SHB: variants seen among roughly 807,000 people sequenced by gnomAD.
The protein encoded by SHB is SH2 domain-containing adapter protein B.
A neutral mutation model predicts 52.3 loss-of-function variants in SHB; 20 were observed. The ratio of observed to expected loss-of-function variants is 0.38; its 90% CI spans 0.27 to 0.56. The LOEUF (loss-of-function observed/expected upper bound fraction) is 0.56. Among genes scored for constraint, SHB ranks in the 20% least tolerant of loss-of-function variants. The probability of loss-of-function intolerance (pLI) is 0.71; values close to 1 mark genes in which losing one functional copy is unlikely to be tolerated. For synonymous variants in SHB, 397 were observed against 316.5 expected (o/e 1.25, Z -2.70); for missense variants, 825 against 723.3 (o/e 1.14, Z -1.61).
At chr9:37,999,789 C>T (rs963851631) in intron 2 of SHB, among the ~76,000 whole-genome samples, 1 of 152,216 alleles carries the variant, frequency 6.6e-6, no homozygotes, top group Admixed American at 6.5e-5. Context: ...ACCTTAGGAT[C>T]TGGCTGAAGC....
At chr9:37,979,119 T>C (rs1820690859) in intron 2 of SHB, among the ~76,000 whole-genome samples, 2 of 152,168 alleles carry the variant, frequency 1.3e-5, no homozygotes, top group South Asian at 2.1e-4. Context: ...TCCATGAGGG[T>C]CCAGAGACCG....
intron 2 of SHB, among the ~76,000 whole-genome samples, chr9:37,998,903 C>T (rs1456252513): frequency 6.6e-6 from 1 of 152,246 alleles, no homozygotes; most frequent in African/African-American, 2.4e-5. Context: ...ACCAGCTCTT[C>T]CCAAGAGCCA....
intron 2 of SHB, among the ~76,000 whole-genome samples, chr9:37,999,020 G>A (rs1024791575): frequency 1.4e-4 from 21 of 152,308 alleles, no homozygotes; most frequent in East Asian, 3.9e-4. Context: ...AAGTCCCTGC[G>A]GGATCACAGA....
intron 2 of SHB, among the ~76,000 whole-genome samples, chr9:38,011,223 C>T (rs1329095773): frequency 6.6e-6 from 1 of 152,172 alleles, no homozygotes; most frequent in Non-Finnish European, 1.5e-5. Context: ...CTGATCACTG[C>T]CTCAACAGGA....
chr9:38,063,049 G>A (rs560822982), intron 1 of SHB, among the ~76,000 whole-genome samples: 3 of 152,324 alleles, frequency 2.0e-5, no homozygotes, highest in East Asian at 1.9e-4. Flanking sequence ...ATGAAGCCTG[G>A]GGAATGTATT....
Position 37,999,109 on chromosome 9 carries a change from C to T in SHB, c.838+16902G>A, listed in dbSNP as rs150264360. 2.5e-3 allele frequency among the ~76,000 whole-genome samples: 377 copies of T among 152,234 alleles called. 1 individual carries two copies. Among genetic ancestry groups the T allele is most frequent in the Non-Finnish European group, 4.0e-3 (269 of 67,990 alleles). On this transcript the variant is annotated intron_variant, in intron 2 of 5. Transcript: ENST00000377707. ...AGTGGGTGATGGGGTGCTGCTGGAC[C>T]CTGGGAACCCTATAGGGTGTGGGAT...
intron 3 of SHB, among the ~76,000 whole-genome samples, chr9:37,968,575 G>A (rs921888135): frequency 1.3e-5 from 2 of 152,218 alleles, no homozygotes; most frequent in African/African-American, 4.8e-5. Flanking sequence ...GACACTGCCT[G>A]AAGAGTAACT....
Position 37,932,884 on chromosome 9 carries a change from G to A in SHB, c.1347-12880C>T, listed in dbSNP as rs550890098. ...CCTGCCTTGGCCTCCCAAAGCGCTG[G>A]GATTATAGGCATGAGGTACTGCATC... is the stretch of plus-strand genomic sequence containing the variant. On this transcript the variant is annotated intron_variant, in intron 5 of 5. Coordinates refer to ENST00000377707, the MANE Select transcript of SHB (RefSeq NM_003028.3). Among the ~76,000 whole-genome samples the A allele has an allele frequency of 1.5e-3, 233 of 152,222 alleles. 3 individuals carry two copies. The highest frequency in any genetic ancestry group is 5.3e-3 in the African/African-American group (218 of 41,518).
chr9:37,921,565 G>A (rs999249893), intron 5 of SHB, among the ~76,000 whole-genome samples: 2 of 152,230 alleles, frequency 1.3e-5, no homozygotes, highest in African/African-American at 2.4e-5. Flanking sequence ...TACATTTCAA[G>A]AGAGACTAAT....
At chr9:38,020,686 A>G (rs1821270312) in intron 1 of SHB, among the ~76,000 whole-genome samples, 1 of 152,146 alleles carries the variant, frequency 6.6e-6, no homozygotes, top group Non-Finnish European at 1.5e-5. Context: ...GGCTACCAAA[A>G]TCTCACAAAT....
intron 1 of SHB, among the ~76,000 whole-genome samples, chr9:38,020,034 T>A (rs559268422): frequency 2.0e-5 from 3 of 152,260 alleles, no homozygotes; most frequent in African/African-American, 7.2e-5. Flanking sequence ...GAAACCTGTA[T>A]CTCTATTAAG....
At chr9:38,054,330 C>T (rs1019439414) in intron 1 of SHB, among the ~76,000 whole-genome samples, 18 of 152,220 alleles carry the variant, frequency 1.2e-4, no homozygotes, top group Admixed American at 3.9e-4. Context: ...TTCAGCCACG[C>T]AACCTCTGCT....
rs776200664 is a variant in SHB, at chr9:38,068,587, G to T, written c.59C>A (p.Pro20Gln). The change falls in exon 1 of 6, where the codon CCG becomes CAG. Residue 20 changes from proline to glutamine, a missense_variant. Transcript: ENST00000377707. The stretch of plus-strand genomic sequence containing the variant: ...GCGGTAGTCTGGCCGCGGCGGCTGC[G>T]GGGGGCTCTTGGTCTTGCTGTTGCC... ...SLGNSKTKSP[P>Q]QPPRPDYREQ... The T allele has an allele frequency of 2.7e-6, 4 of 1,491,548 alleles. No homozygotes were observed. The highest frequency in any genetic ancestry group is 3.5e-6 in the Non-Finnish European group (4 of 1,132,470). 92.4% of individuals were successfully genotyped at this position (1,491,548 alleles called of 1,614,324 possible). A position where few individuals can be genotyped will look rare whatever the true frequency, so the allele number is the denominator to read the frequency against.
chr9:38,023,542 G>A (rs771863605), intron 1 of SHB, among the ~76,000 whole-genome samples: 17 of 152,186 alleles, frequency 1.1e-4, no homozygotes, highest in Non-Finnish European at 1.6e-4. Context: ...GGACAAAGAC[G>A]TGAAAAGAAA....
chr9:38,068,191 G>C lies in SHB; in HGVS notation c.455C>G (p.Ser152Trp). The change falls in exon 1 of 6, where the codon TCG (serine) becomes TGG (tryptophan). Residue 152 changes from serine to tryptophan, a missense_variant. Coordinates refer to ENST00000377707, the MANE Select transcript of SHB (RefSeq NM_003028.3). Reference sequence around the variant, plus strand: ...ATGCGGAGAGCCGGAGGACGAGGACGAGGACGCGGCGGCCCCCGCGCCCGA... The same window carrying C: ...ATGCGGAGAGCCGGAGGACGAGGACCAGGACGCGGCGGCCCCCGCGCCCGA... ...ASSGAGAAAS[S>W]SSSSGSPHLY... The C allele has an allele frequency of 7.1e-7, 1 of 1,412,110 alleles. No homozygotes were observed. The allele number at this position is 1,412,110 out of a possible 1,614,324, so 87.5% of individuals were successfully genotyped here.
chr9:38,033,864 C>A (rs559800285), intron 1 of SHB, among the ~76,000 whole-genome samples: 1 of 152,148 alleles, frequency 6.6e-6, no homozygotes, highest in African/African-American at 2.4e-5. Context: ...TGACACCCCC[C>A]CAGCACCACC....
At chr9:37,958,161 A>C (rs1832656274) in intron 3 of SHB, among the ~76,000 whole-genome samples, 1 of 152,232 alleles carries the variant, frequency 6.6e-6, no homozygotes, top group African/African-American at 2.4e-5. Flanking sequence ...TCTAGAAAGT[A>C]TAGCTGGCTA....
At chr9:38,036,641 T>C (rs1444917460) in intron 1 of SHB, among the ~76,000 whole-genome samples, 2 of 152,202 alleles carry the variant, frequency 1.3e-5, no homozygotes, top group Admixed American at 1.3e-4. Flanking sequence ...GGAGCTCTGC[T>C]AGTGGAGATA....
At chr9:37,968,756 C>T (rs1440104325) in intron 3 of SHB, among the ~76,000 whole-genome samples, 1 of 152,174 alleles carries the variant, frequency 6.6e-6, no homozygotes, top group Non-Finnish European at 1.5e-5. Context: ...AAGACATAGC[C>T]GTTTACTCAC....
Sources: gnomAD v4.1 joint callset for allele counts (sites outside exome capture counted in the v4.1 genomes callset) on GRCh38, gnomAD v4.1.1 for gene constraint, MANE v1.5 for transcripts, NCBI Gene and HGNC (gene_info 2026-07-23, HGNC 2026-07-21) for gene names.